INPP1: variants seen among roughly 807,000 people sequenced by gnomAD.
INPP1 encodes the protein inositol polyphosphate-1-phosphatase.
A neutral mutation model predicts 23.0 loss-of-function variants in INPP1; 18 were observed. That is an observed-to-expected ratio of 0.78 (90% CI 0.54 to 1.16). INPP1 has a LOEUF of 1.16. Among genes scored for constraint, INPP1 ranks in the 50% most tolerant of loss-of-function variants. INPP1 has a pLI of 0.00. For missense variants in INPP1, 448 were observed against 482.1 expected, an observed-to-expected ratio of 0.93 and a Z score of 0.66; for synonymous variants, 164 against 176.3, an observed-to-expected ratio of 0.93 and a Z score of 0.55.
At chr2:190,361,147 C>A (rs1689526825) in intron 3 of INPP1, among the ~76,000 whole-genome samples, 1 of 151,938 alleles carries the variant, frequency 6.6e-6, no homozygotes, top group African/African-American at 2.4e-5. Context: ...AAAAGGGAGG[C>A]ACAGAGAGGT....
Position 190,371,544 on chromosome 2 carries a change from A to C in INPP1, c.*142A>C, listed in dbSNP as rs1204809813. 9.5e-6 allele frequency: 5 copies of C among 525,478 alleles called. No individual in the cohort carries two copies. Among genetic ancestry groups the C allele is most frequent in the Non-Finnish European group, 1.6e-5 (5 of 310,856 alleles). 32.6% of individuals were successfully genotyped at this position (525,478 alleles called of 1,614,324 possible). Reference sequence around the variant, plus strand: ...AGGAGTATTTTTCCATTATGTATTCATAATAATGTTAATTTCAATAAATGA... The same window carrying C: ...AGGAGTATTTTTCCATTATGTATTCCTAATAATGTTAATTTCAATAAATGA... On this transcript the variant is annotated 3_prime_UTR_variant, in exon 7 of 7. Coordinates refer to ENST00000392329, the MANE Select transcript of INPP1 (RefSeq NM_001128928.2). This position sits in a 1 kb window ranked among gnomAD's most constrained non-coding sequence, Gnocchi z 5.3.
In INPP1 at chr2:190,347,329, A is replaced by T. The variant is rs116955445; in HGVS notation, c.-208-1559A>T. On this transcript the variant is annotated intron_variant, in intron 1 of 6. Transcript: ENST00000392329. ...CCTGGCTCCTTATTTGTAGCTTTTTAAAAAATGACTCTCAACCCCATTCAA... is the reference window on the plus strand; with the variant it reads ...CCTGGCTCCTTATTTGTAGCTTTTTTAAAAATGACTCTCAACCCCATTCAA... Among the ~76,000 whole-genome samples, 769 of 152,038 alleles carry T rather than the reference A, an allele frequency of 5.1e-3. 18 individuals are homozygous for T. Among genetic ancestry groups the T allele is most frequent in the East Asian group, 8.3e-3 (43 of 5,184 alleles).
chr2:190,362,189 T>C (rs62182025), intron 3 of INPP1, among the ~76,000 whole-genome samples: 6,197 of 152,324 alleles, frequency 0.041, 189 homozygotes, highest in Non-Finnish European at 0.068. Context: ...ATCTATCCTC[T>C]AATTCCTTCT....
intron 4 of INPP1, among the ~76,000 whole-genome samples, chr2:190,366,302 GCTCTGTCTCACT>G (rs1559085278): frequency 1.5e-4 from 14 of 94,450 alleles, no homozygotes; most frequent in Non-Finnish European, 2.9e-4. Context: ...TGTCTCTCTC[GCTCTGTCTCACT>G]CTCTCTGTCT....
At chr2:190,362,579 T>A (rs781382965) in intron 3 of INPP1, 48 bp from the exon 4 acceptor site, 1 of 1,122,512 alleles carries the variant, frequency 8.9e-7, no homozygotes, top group Non-Finnish European at 1.3e-6. Flanking sequence ...GAATTGAGCA[T>A]ATGTGTGGGT....
Position 190,368,457 on chromosome 2 carries a change from C to G in INPP1, c.467-646C>G, listed in dbSNP as rs1258466144. On this transcript the variant is annotated intron_variant, in intron 5 of 6. Transcript: ENST00000392329. This position sits in a 1 kb window ranked among gnomAD's most constrained non-coding sequence, Gnocchi z 4.3. ...CCTGTGACCTATTACAGGAGGGGGG[C>G]TTTTCTTTTTTTCTTTTCCTTTTTA... is the stretch of plus-strand genomic sequence containing the variant. Among the ~76,000 whole-genome samples the G allele has an allele frequency of 6.6e-6, 1 of 151,862 alleles. No individual in the cohort carries two copies. Among genetic ancestry groups the G allele is most frequent in the Admixed American group, 6.5e-5 (1 of 15,274 alleles).
Position 190,370,886 on chromosome 2 carries a change from C to A in INPP1, c.684C>A (p.Thr228=), listed in dbSNP as rs767807973. ...QCYWGLSYMG[T]NMHSLQLTIS... ...ATTGGGGCCTTTCTTACATGGGGAC[C>A]AACATGCATTCACTACAGCTCACCA... Residue 228 remains threonine (T), a synonymous_variant, in exon 7 of 7, where the codon ACC becomes ACA. Transcript: ENST00000392329. 3.7e-6 allele frequency: 6 copies of A among 1,613,742 alleles called. No homozygotes were observed. In the South Asian group the frequency reaches 6.6e-5, roughly 18 times the overall value.
chr2:190,360,316 G>A lies in INPP1; in HGVS notation c.204+10G>A, dbSNP rs141092597. 3 of 1,612,716 alleles carry A rather than the reference G, an allele frequency of 1.9e-6. No homozygotes were observed. The highest frequency in any genetic ancestry group is 2.5e-6 in the Non-Finnish European group (3 of 1,179,044). On this transcript the variant is annotated intron_variant, in intron 3 of 6. Coordinates refer to ENST00000392329, the MANE Select transcript of INPP1 (RefSeq NM_001128928.2). ...GAATATGGAGAACAAGGTAAGAAAG[G>A]TCATAGCCAAGGTAACTGCAAAATA...
chr2:190,365,226 A>C (rs1389603463), intron 4 of INPP1: 4 of 168,066 alleles, frequency 2.4e-5, no homozygotes, highest in Middle Eastern at 5.1e-4. Context: ...TCATTTGAAG[A>C]AGCAGCTTTG....
chr2:190,370,359 C>T (rs1332412951), intron 6 of INPP1, among the ~76,000 whole-genome samples: 1 of 152,200 alleles, frequency 6.6e-6, no homozygotes, highest in Non-Finnish European at 1.5e-5. Flanking sequence ...AAACTAATAA[C>T]ATTGAGTCCA....
chr2:190,365,857 CGCTCTCTGTCTCTCTT>C (rs56031165), intron 4 of INPP1, among the ~76,000 whole-genome samples: 95,990 of 150,736 alleles, frequency 0.64, 31,172 homozygotes, highest in East Asian at 0.75. Flanking sequence ...CTGTCTCTCT[CGCTCTCTGTCTCTCTT>C]GCTCTGTCTC....
At chr2:190,350,079 A>G (rs190087153) in intron 2 of INPP1, among the ~76,000 whole-genome samples, 12 of 152,348 alleles carry the variant, frequency 7.9e-5, no homozygotes, top group South Asian at 2.1e-4. Context: ...TCCTGACCTC[A>G]GGTGATCCAC....
At chr2:190,353,603 A>G (rs1689363479) in intron 2 of INPP1, among the ~76,000 whole-genome samples, 1 of 152,208 alleles carries the variant, frequency 6.6e-6, no homozygotes, top group Non-Finnish European at 1.5e-5. Context: ...TTCCAGAAAT[A>G]TCTCATTTGA....
intron 2 of INPP1, 52 bp from the exon 3 acceptor site, chr2:190,359,987 C>G (rs1689503056): frequency 9.6e-7 from 1 of 1,038,100 alleles, no homozygotes; most frequent in Non-Finnish European, 1.4e-6. Context: ...CAGAGGCACC[C>G]TGACATCACT....
chr2:190,359,450 G>A (rs556262030), intron 2 of INPP1, among the ~76,000 whole-genome samples: 1 of 151,862 alleles, frequency 6.6e-6, no homozygotes, highest in African/African-American at 2.4e-5. Flanking sequence ...CCACCTACTC[G>A]GGAGGCTGAG....
chr2:190,362,675 A>T lies in INPP1; in HGVS notation c.253A>T (p.Thr85Ser). 3 of 1,596,298 alleles carry T rather than the reference A, an allele frequency of 1.9e-6. No individual in the cohort carries two copies. Among genetic ancestry groups the T allele is most frequent in the Non-Finnish European group, 2.6e-6 (3 of 1,165,328 alleles). ...TTTTGGAGAAGAATCCAATGAGTTT[A>T]CTAATGACTGGGGTAAGTATAAGAA... ...NIFGEESNEF[T>S]NDWGEKITLR... The change falls in exon 4 of 7, where the codon ACT becomes TCT. Residue 85 changes from threonine (T) to serine (S), a missense_variant. Transcript: ENST00000392329.
Position 190,368,287 on chromosome 2 carries a change from C to A in INPP1, c.467-816C>A, listed in dbSNP as rs1689724917. ...CTAGACGTCAGCAGTCAGCTGCTGG[C>A]ATGTACATCTCTTAAGGGGAAACCT... On this transcript the variant is annotated intron_variant, in intron 5 of 6. Coordinates refer to ENST00000392329, the MANE Select transcript of INPP1 (RefSeq NM_001128928.2). This position sits in a 1 kb window ranked among gnomAD's most constrained non-coding sequence, Gnocchi z 4.3. 6.6e-6 allele frequency among the ~76,000 whole-genome samples: 1 copy of A among 152,282 alleles called. No homozygotes were observed. The highest frequency in any genetic ancestry group is 1.9e-4 in the East Asian group (1 of 5,184).
Position 190,371,464 on chromosome 2 carries a change from G to A in INPP1, c.*62G>A. On this transcript the variant is annotated 3_prime_UTR_variant, in exon 7 of 7. Coordinates refer to ENST00000392329, the MANE Select transcript of INPP1 (RefSeq NM_001128928.2). The surrounding 1 kb of genome is among the most constrained non-coding windows in gnomAD (Gnocchi z 5.3). ...CTGTGAAACTGTTTCGGTTATCTCT[G>A]TCTTTTGAGGATGGCTTTGTCCTGT... The A allele has an allele frequency of 2.3e-6, 3 of 1,308,648 alleles. No homozygotes were observed. Among genetic ancestry groups the A allele is most frequent in the Non-Finnish European group, 3.1e-6 (3 of 971,946 alleles). The allele number at this position is 1,308,648 out of a possible 1,614,324, so 81.1% of individuals were successfully genotyped here. A position where few individuals can be genotyped will look rare whatever the true frequency, so the allele number is the denominator to read the frequency against.
Position 190,367,100 on chromosome 2 carries a change from A to G in INPP1, c.466+205A>G, listed in dbSNP as rs1250582304. On this transcript the variant is annotated intron_variant, in intron 5 of 6. Transcript: ENST00000392329. This position sits in a 1 kb window ranked among gnomAD's most constrained non-coding sequence, Gnocchi z 4.1. ...ATACATATATATTATAGCCGTGTGT[A>G]TATATATACATATCTATAACAGGTG... Among the ~76,000 whole-genome samples the G allele has an allele frequency of 6.6e-6, 1 of 152,164 alleles. No individual in the cohort carries two copies. Among genetic ancestry groups the G allele is most frequent in the Non-Finnish European group, 1.5e-5 (1 of 68,040 alleles).
Sources: gnomAD v4.1 joint callset for allele counts (sites outside exome capture counted in the v4.1 genomes callset) on GRCh38, gnomAD v4.1.1 for gene constraint, Gnocchi (gnomAD v3.1) non-coding constraint, MANE v1.5 for transcripts, NCBI Gene and HGNC (gene_info 2026-07-23, HGNC 2026-07-21) for gene names.